ERBB4: variants seen among roughly 807,000 people sequenced by gnomAD.
ERBB4 encodes the protein erb-b2 receptor tyrosine kinase 4, also known as receptor tyrosine-protein kinase erbB-4.
Under a neutral mutation model 158.0 loss-of-function variants are expected in ERBB4, and 42 were observed. That is an observed-to-expected ratio of 0.27 (90% CI 0.21 to 0.34). ERBB4 has a LOEUF of 0.34. ERBB4 is among the 10% of genes least tolerant of loss of function. ERBB4 has a pLI of 1.00. For missense variants in ERBB4, 1,333 were observed against 1,624.1 expected, an observed-to-expected ratio of 0.82 and a Z score of 3.08; for synonymous variants, 583 against 558.7, an observed-to-expected ratio of 1.04 and a Z score of -0.61.
rs1254759018 is a variant in ERBB4, at chr2:212,139,170, G to A, written c.83-14267C>T. Among the ~76,000 whole-genome samples, 4 of 151,988 alleles carry A rather than the reference G, an allele frequency of 2.6e-5. 1 individual carries two copies. Among genetic ancestry groups the A allele is most frequent in the African/African-American group, 4.8e-5 (2 of 41,390 alleles). ...AAAGTAAAAGTCCAACCTTTTAATGGAATTCACATCATTCACTATGACACA... is the reference window on the plus strand; with the variant it reads ...AAAGTAAAAGTCCAACCTTTTAATGAAATTCACATCATTCACTATGACACA... On this transcript the variant is annotated intron_variant, in intron 1 of 27. Transcript: ENST00000342788.
intron 2 of ERBB4, among the ~76,000 whole-genome samples, chr2:212,116,254 TGATA>T (rs2079568394): frequency 6.6e-6 from 1 of 151,724 alleles, no homozygotes; most frequent in Admixed American, 6.6e-5. Context: ...TATATTAGAT[TGATA>T]AATACTAGTC....
At chr2:211,707,359 C>T (rs2073487429) in intron 9 of ERBB4, among the ~76,000 whole-genome samples, 1 of 152,124 alleles carries the variant, frequency 6.6e-6, no homozygotes, top group Admixed American at 6.5e-5. Flanking sequence ...TACTTTAAAA[C>T]AGTTAACTTC....
intron 1 of ERBB4, among the ~76,000 whole-genome samples, chr2:212,530,282 A>T (rs1204232780): frequency 6.6e-6 from 1 of 152,166 alleles, no homozygotes; most frequent in South Asian, 2.1e-4. Context: ...AAACAAACTT[A>T]TTTAACTGCT....
At chr2:212,365,075 A>C (rs1350129529) in intron 1 of ERBB4, among the ~76,000 whole-genome samples, 1 of 151,552 alleles carries the variant, frequency 6.6e-6, no homozygotes, top group Non-Finnish European at 1.5e-5. Flanking sequence ...CTGGTCATTT[A>C]ATTTTTGAAA....
chr2:212,464,892 T>TCACACACACACACACACA (rs148243973), intron 1 of ERBB4, among the ~76,000 whole-genome samples: 1 of 146,046 alleles, frequency 6.8e-6, no homozygotes, highest in African/African-American at 2.5e-5. Context: ...AAGGGAAACA[T>TCACACACACACACACACA]CACACACACA....
At chr2:212,496,774 A>G (rs1575029232) in intron 1 of ERBB4, among the ~76,000 whole-genome samples, 1 of 152,196 alleles carries the variant, frequency 6.6e-6, no homozygotes, top group Non-Finnish European at 1.5e-5. Context: ...GGAAAATAAT[A>G]TGGTTTAAAG....
chr2:212,329,402 T>C, intron 1 of ERBB4, among the ~76,000 whole-genome samples: 1 of 152,064 alleles, frequency 6.6e-6, no homozygotes, highest in East Asian at 1.9e-4. Flanking sequence ...AACACTGTAA[T>C]GGAAAAACAG....
intron 1 of ERBB4, among the ~76,000 whole-genome samples, chr2:212,244,215 A>T (rs985037862): frequency 2.0e-5 from 3 of 152,190 alleles, no homozygotes; most frequent in African/African-American, 7.2e-5. Flanking sequence ...AGGTATGTGG[A>T]AGAAAATAAA....
At chr2:212,011,853 T>G (rs73083304) in intron 2 of ERBB4, among the ~76,000 whole-genome samples, 5,069 of 152,344 alleles carry the variant, frequency 0.033, 105 homozygotes, top group African/African-American at 0.056. Flanking sequence ...AGCAGTCATT[T>G]AAGGCCATTG....
At chr2:212,253,837 T>G (rs2084628732) in intron 1 of ERBB4, among the ~76,000 whole-genome samples, 1 of 152,178 alleles carries the variant, frequency 6.6e-6, no homozygotes, top group Non-Finnish European at 1.5e-5. Context: ...ACAGAGTGTA[T>G]TTACACAAGT....
chr2:211,775,298 A>T (rs2075845495), intron 4 of ERBB4, among the ~76,000 whole-genome samples: 1 of 152,094 alleles, frequency 6.6e-6, no homozygotes, highest in Non-Finnish European at 1.5e-5. Context: ...ACTTGGCTAT[A>T]GTTCTCTGTG....
intron 1 of ERBB4, among the ~76,000 whole-genome samples, chr2:212,216,014 T>C (rs895041403): frequency 1.3e-5 from 2 of 151,386 alleles, no homozygotes; most frequent in Non-Finnish European, 3.0e-5. Flanking sequence ...TTTTTGGTCA[T>C]AACATAATTT....
At chr2:212,081,253 C>T (rs1449124616) in intron 2 of ERBB4, among the ~76,000 whole-genome samples, 3 of 152,084 alleles carry the variant, frequency 2.0e-5, no homozygotes, top group Non-Finnish European at 4.4e-5. Flanking sequence ...AAACTGCAGT[C>T]AGCATGGAGA....
intron 27 of ERBB4, among the ~76,000 whole-genome samples, chr2:211,385,215 T>C (rs936426914): frequency 1.3e-5 from 2 of 152,162 alleles, no homozygotes; most frequent in African/African-American, 4.8e-5. Flanking sequence ...TAGCATCATT[T>C]ATTCAACTTA....
At chr2:212,108,135 A>T (rs2079287452) in intron 2 of ERBB4, among the ~76,000 whole-genome samples, 1 of 152,190 alleles carries the variant, frequency 6.6e-6, no homozygotes, top group Admixed American at 6.5e-5. Context: ...ATTATTTGAG[A>T]TAAGCACTGT....
intron 2 of ERBB4, among the ~76,000 whole-genome samples, chr2:211,988,771 T>A (rs2081998950): frequency 6.6e-6 from 1 of 152,068 alleles, no homozygotes; most frequent in African/African-American, 2.4e-5. Context: ...TAAATGTAAC[T>A]ATTAAAGCTA....
intron 20 of ERBB4, among the ~76,000 whole-genome samples, chr2:211,496,496 T>G (rs967294780): frequency 4.6e-5 from 7 of 151,778 alleles, no homozygotes; most frequent in Non-Finnish European, 8.8e-5. Context: ...ACTTGAAAAT[T>G]CTCTTTCTCT....
chr2:212,505,192 G>A (rs188920130), intron 1 of ERBB4, among the ~76,000 whole-genome samples: 249 of 152,284 alleles, frequency 1.6e-3, no homozygotes, highest in African/African-American at 5.8e-3. Flanking sequence ...TGCCTCCCGG[G>A]TTCAAGCGAT....
intron 1 of ERBB4, among the ~76,000 whole-genome samples, chr2:212,490,450 C>A (rs73067090): frequency 0.018 from 2,683 of 151,794 alleles, 71 homozygotes; most frequent in African/African-American, 0.06. Context: ...GTATTCTACC[C>A]AGAAAATTAC....
Sources: allele counts gnomAD v4.1 joint callset (sites outside exome capture counted in the v4.1 genomes callset), GRCh38; gene constraint gnomAD v4.1.1; transcripts MANE v1.5; gene names NCBI Gene and HGNC (gene_info 2026-07-23, HGNC 2026-07-21).